Variants in PPP2R2B observed in about 807,000 individuals in gnomAD.
PPP2R2B encodes the protein protein phosphatase 2 regulatory subunit Bbeta.
In PPP2R2B, 5 loss-of-function variants were observed where a neutral mutation model predicts 46.0. That is an observed-to-expected ratio of 0.11 (90% CI 0.06 to 0.23). The LOEUF is 0.23. Ranked by LOEUF, PPP2R2B falls within the 10% of genes least tolerant of loss-of-function variation. The pLI, the probability that PPP2R2B is intolerant of heterozygous loss-of-function variation, is 1.00. For missense variants in PPP2R2B, 367 were observed against 575.0 expected (o/e 0.64, Z 3.70); for synonymous variants, 215 against 206.7 (o/e 1.04, Z -0.34).
intron 2 of PPP2R2B, among the ~76,000 whole-genome samples, chr5:146,762,125 C>T (rs980416946): frequency 6.6e-6 from 1 of 152,174 alleles, no homozygotes; most frequent in African/African-American, 2.4e-5. Flanking sequence ...TTTCATACAA[C>T]ATGCTCTTGG....
chr5:146,741,442 T>C (rs184136396), intron 2 of PPP2R2B, among the ~76,000 whole-genome samples: 1 of 152,302 alleles, frequency 6.6e-6, no homozygotes, highest in Admixed American at 6.5e-5. Context: ...TGCATATTCA[T>C]AAAAATCCCG....
intron 1 of PPP2R2B, among the ~76,000 whole-genome samples, chr5:147,032,840 G>T (rs1178050403): frequency 6.6e-6 from 1 of 152,100 alleles, no homozygotes; most frequent in African/African-American, 2.4e-5. Flanking sequence ...TATCTTTTTC[G>T]AATAATGACT....
At chr5:146,926,416 A>G (rs1763784160) in intron 1 of PPP2R2B, among the ~76,000 whole-genome samples, 1 of 151,354 alleles carries the variant, frequency 6.6e-6, no homozygotes, top group Non-Finnish European at 1.5e-5. Context: ...TGTTTTCGAG[A>G]CGGAGTCTTG....
intron 1 of PPP2R2B, among the ~76,000 whole-genome samples, chr5:146,951,299 A>G (rs1179342410): frequency 2.0e-5 from 3 of 151,910 alleles, no homozygotes; most frequent in Non-Finnish European, 4.4e-5. Flanking sequence ...AACCACCAAC[A>G]CAGTTAAGAT....
chr5:147,081,186 G>T, intron 1 of PPP2R2B: 3 of 1,535,160 alleles, frequency 2.0e-6, no homozygotes, highest in African/African-American at 1.4e-5. Context: ...GCTCCCAGTT[G>T]TTCTTAAGAG....
intron 1 of PPP2R2B, among the ~76,000 whole-genome samples, chr5:146,904,795 A>G (rs1179856651): frequency 1.3e-5 from 2 of 152,192 alleles, no homozygotes; most frequent in African/African-American, 4.8e-5. Flanking sequence ...ATGGTACTGG[A>G]GGTCATGGTA....
intron 1 of PPP2R2B, among the ~76,000 whole-genome samples, chr5:146,940,714 C>A (rs1764296826): frequency 6.6e-6 from 1 of 152,094 alleles, no homozygotes; most frequent in East Asian, 1.9e-4. Context: ...TTGACTAATC[C>A]TTGGCCCCTT....
chr5:146,890,868 T>G (rs1238110441), intron 1 of PPP2R2B, among the ~76,000 whole-genome samples: 1 of 152,132 alleles, frequency 6.6e-6, no homozygotes, highest in Non-Finnish European at 1.5e-5. Context: ...TTTAATGATT[T>G]CTCTCCCCAG....
chr5:147,010,719 C>T (rs1754685272), intron 1 of PPP2R2B, among the ~76,000 whole-genome samples: 1 of 152,112 alleles, frequency 6.6e-6, no homozygotes, highest in South Asian at 2.1e-4. Flanking sequence ...CTGTGTGGCC[C>T]AGTTCTTAAC....
At chr5:146,888,320 C>A (rs537577517) in intron 1 of PPP2R2B, among the ~76,000 whole-genome samples, 39 of 152,224 alleles carry the variant, frequency 2.6e-4, no homozygotes, top group African/African-American at 9.4e-4. Flanking sequence ...CAATACCCTG[C>A]CCCACCCTCC....
At chr5:146,925,103 C>T (rs1291256444) in intron 1 of PPP2R2B, among the ~76,000 whole-genome samples, 14 of 152,186 alleles carry the variant, frequency 9.2e-5, no homozygotes, top group Admixed American at 9.2e-4. Flanking sequence ...TAAATCTATA[C>T]ATGTTACAAA....
chr5:147,033,805 T>C (rs1379428915), intron 1 of PPP2R2B, among the ~76,000 whole-genome samples: 1 of 152,150 alleles, frequency 6.6e-6, no homozygotes, highest in Admixed American at 6.5e-5. Flanking sequence ...CTTTACATCT[T>C]CTCTGCTGTT....
intron 2 of PPP2R2B, among the ~76,000 whole-genome samples, chr5:146,785,026 C>A (rs34377541): frequency 6.6e-6 from 1 of 152,080 alleles, no homozygotes; most frequent in Non-Finnish European, 1.5e-5. Flanking sequence ...AAAGTACAAT[C>A]GTAGCACTCC....
At chr5:146,652,438 G>C (rs887109668) in intron 5 of PPP2R2B, among the ~76,000 whole-genome samples, 1 of 152,168 alleles carries the variant, frequency 6.6e-6, no homozygotes, top group Non-Finnish European at 1.5e-5. Flanking sequence ...TCATATACCT[G>C]TTCTTGTCAG....
chr5:146,592,108 T>C (rs1770720889), intron 9 of PPP2R2B: 1 of 442,656 alleles, frequency 2.3e-6, no homozygotes, highest in Non-Finnish European at 4.5e-6. Context: ...GATTTTGTTC[T>C]TATGTCACAG....
chr5:146,621,296 G>A (rs773644968), intron 7 of PPP2R2B, among the ~76,000 whole-genome samples: 11 of 152,228 alleles, frequency 7.2e-5, no homozygotes, highest in Non-Finnish European at 1.5e-4. Context: ...CAGGCACTGC[G>A]CTAAACTCTT....
chr5:146,828,987 T>C (rs1410288776), intron 2 of PPP2R2B, among the ~76,000 whole-genome samples: 4 of 152,208 alleles, frequency 2.6e-5, no homozygotes, highest in Non-Finnish European at 2.9e-5. Context: ...CAGGAATATT[T>C]TCCTTAACAT....
At chr5:146,962,334 G>T (rs1427075137) in intron 1 of PPP2R2B, among the ~76,000 whole-genome samples, 1 of 151,762 alleles carries the variant, frequency 6.6e-6, no homozygotes, top group Middle Eastern at 3.4e-3. Flanking sequence ...CAGAGAGAGA[G>T]AGAGAAAGAG....
At chr5:146,738,070 T>C (rs1241757534) in intron 2 of PPP2R2B, among the ~76,000 whole-genome samples, 1 of 152,100 alleles carries the variant, frequency 6.6e-6, no homozygotes, top group Non-Finnish European at 1.5e-5. Flanking sequence ...AGATATGCCA[T>C]AGAGTGTTTA....
Sources: allele counts gnomAD v4.1 joint callset (sites outside exome capture counted in the v4.1 genomes callset), GRCh38; gene constraint gnomAD v4.1.1; transcripts MANE v1.5; gene names NCBI Gene and HGNC (gene_info 2026-07-23, HGNC 2026-07-21).